Variants in PKP3 observed in about 807,000 individuals in gnomAD.
The protein encoded by PKP3 is plakophilin-3.
Under a neutral mutation model 76.5 loss-of-function variants are expected in PKP3, and 66 were observed. The ratio of observed to expected loss-of-function variants is 0.86; its 90% CI spans 0.71 to 1.06. The LOEUF (loss-of-function observed/expected upper bound fraction) is 1.06. Ranked by LOEUF, PKP3 falls within the 50% of genes least tolerant of loss-of-function variation. The probability of loss-of-function intolerance (pLI) is 0.00; values close to 1 mark genes in which losing one functional copy is unlikely to be tolerated. For synonymous variants in PKP3, 638 were observed against 516.5 expected, an observed-to-expected ratio of 1.24 and a Z score of -3.19; for missense variants, 1,338 against 1,141.0, an observed-to-expected ratio of 1.17 and a Z score of -2.49.
At chr11:400,254 C>G in intron 6 of PKP3, 80 bp from the exon 7 acceptor site, 1 of 1,413,558 alleles carries the variant, frequency 7.1e-7, no homozygotes, top group South Asian at 1.3e-5. Flanking sequence ...TGGGGATGGG[C>G]GTGCGAGGGC....
chr11:397,001 G>T lies in PKP3; in HGVS notation c.500G>T (p.Arg167Leu). The change falls in exon 3 of 13, where the codon CGC becomes CTC. Residue 167 changes from arginine to leucine, a missense_variant. Transcript: ENST00000331563. The part of the protein sequence containing the change: ...MPTRPVSFHE[R>L]GGVGSRADYD... ...ACCAGGCCCGTGTCCTTCCATGAGC[G>T]CGGTGGGGTTGGGAGCCGGGCCGAC... 1 of 1,599,862 alleles carries T rather than the reference G, an allele frequency of 6.3e-7. No homozygotes were observed. Among genetic ancestry groups the T allele is most frequent in the Non-Finnish European group, 8.5e-7 (1 of 1,179,416 alleles).
At chr11:394,020 A>G (rs549781313), upstream of PKP3, 90 of 423,326 alleles carry the variant, frequency 2.1e-4, no homozygotes, top group African/African-American at 1.9e-3. Flanking sequence ...GATGGGAGAA[A>G]AGGAGGCGGG....
chr11:393,515 G>C (rs1422140982), upstream of PKP3: 1 of 152,196 alleles, frequency 6.6e-6, no homozygotes, highest in East Asian at 1.9e-4. Flanking sequence ...GCCTCTGTAG[G>C]GGGTGAGGGG....
Position 404,693 on chromosome 11 carries a change from C to T in PKP3, c.*124C>T. The T allele has an allele frequency of 1.2e-6, 1 of 860,908 alleles. No homozygotes were observed. The highest frequency in any genetic ancestry group is 1.9e-6 in the Non-Finnish European group (1 of 536,534). 53.3% of individuals were successfully genotyped at this position (860,908 alleles called of 1,614,324 possible). ...GACGGAGGGGCCCCTCGCTGGGGCCCCTGTGTGCATCTTTGAGGGTCCTGG... is the reference window on the plus strand; with the variant it reads ...GACGGAGGGGCCCCTCGCTGGGGCCTCTGTGTGCATCTTTGAGGGTCCTGG... On this transcript the variant is annotated 3_prime_UTR_variant, in exon 13 of 13. Transcript: ENST00000331563. The surrounding 1 kb of genome is among the most constrained non-coding windows in gnomAD (Gnocchi z 4.2).
upstream of PKP3, among the ~76,000 whole-genome samples, chr11:393,059 G>A (rs1469875021): frequency 6.6e-6 from 1 of 151,960 alleles, no homozygotes; most frequent in Non-Finnish European, 1.5e-5. Flanking sequence ...CCCAGAGGTT[G>A]TCATAGATGT....
chr11:403,588 G>A (rs1847195386), intron 9 of PKP3, 30 bp from the exon 10 acceptor site: 1 of 1,596,144 alleles, frequency 6.3e-7, no homozygotes, highest in Non-Finnish European at 8.5e-7. Flanking sequence ...GAGGCCTCCG[G>A]GTCACGGCTC....
upstream of PKP3, among the ~76,000 whole-genome samples, chr11:393,767 G>A (rs1847005830): frequency 6.6e-6 from 1 of 152,122 alleles, no homozygotes; most frequent in South Asian, 2.1e-4. Context: ...CACCAGGAAG[G>A]CTGGGCTACC....
Position 404,327 on chromosome 11 carries a change from C to G in PKP3, c.2358+4C>G, listed in dbSNP as rs1004845172. On this transcript the variant is annotated splice_donor_region_variant and intron_variant, in intron 12 of 12. Coordinates refer to ENST00000331563, the MANE Select transcript of PKP3 (RefSeq NM_007183.4). The surrounding 1 kb of genome is among the most constrained non-coding windows in gnomAD (Gnocchi z 4.2). Reference sequence around the variant, plus strand: ...GCTCCACCGTGACTTCCGGGCGGTACGTTTCCCGAGCCCAGGGCAAGCAGG... The same window carrying G: ...GCTCCACCGTGACTTCCGGGCGGTAGGTTTCCCGAGCCCAGGGCAAGCAGG... 8 of 1,611,136 alleles carry G rather than the reference C, an allele frequency of 5.0e-6. No individual in the cohort carries two copies. Among genetic ancestry groups the G allele is most frequent in the South Asian group, 1.1e-5 (1 of 91,046 alleles).
chr11:403,478 C>T, intron 9 of PKP3, 140 bp from the exon 10 acceptor site: 4 of 873,414 alleles, frequency 4.6e-6, no homozygotes, highest in South Asian at 1.7e-5. Flanking sequence ...GCGGCTGATT[C>T]CCCCCGGCTG....
Position 400,578 on chromosome 11 carries a change from G to A in PKP3, c.1610G>A (p.Arg537His). ...TGCGTCCTGCGGAACCTGTCCTACC[G>A]CCTCTACGACGAGATGCCGCCGTCC... ...AVCVLRNLSY[R>H]LYDEMPPSAL... The change falls in exon 8 of 13, where the codon CGC becomes CAC. Residue 537 changes from arginine (R) to histidine (H), a missense_variant. Coordinates refer to ENST00000331563, the MANE Select transcript of PKP3 (RefSeq NM_007183.4). 2 of 1,482,110 alleles carry A rather than the reference G, an allele frequency of 1.3e-6. No homozygotes were observed. Among genetic ancestry groups the A allele is most frequent in the Non-Finnish European group, 1.8e-6 (2 of 1,125,516 alleles). The allele number at this position is 1,482,110 out of a possible 1,614,324, so 91.8% of individuals were successfully genotyped here. A position where few individuals can be genotyped will look rare whatever the true frequency, so the allele number is the denominator to read the frequency against.
At chr11:403,024 GC>G in intron 8 of PKP3, 53 bp from the exon 9 acceptor site, 2 of 426,528 alleles carry the variant, frequency 4.7e-6, no homozygotes, top group Non-Finnish European at 6.1e-6. Flanking sequence ...ACCCCGACCC[GC>G]TCACCCCGAC....
chr11:400,527 G>T lies in PKP3; in HGVS notation c.1567-8G>T. The T allele has an allele frequency of 8.8e-6, 13 of 1,484,648 alleles. No individual in the cohort carries two copies. Among genetic ancestry groups the T allele is most frequent in the South Asian group, 2.6e-5 (2 of 76,906 alleles). 92.0% of individuals were successfully genotyped at this position (1,484,648 alleles called of 1,614,324 possible). On this transcript the variant is annotated splice_polypyrimidine_tract_variant and splice_region_variant and intron_variant, in intron 7 of 12. Coordinates refer to ENST00000331563, the MANE Select transcript of PKP3 (RefSeq NM_007183.4). ...ACCCGCGCCCCTGCCCCGCGCCCCC[G>T]CCCGCAGAGCGTGGAGAACGCGGTG...
intron 8 of PKP3, 59 bp downstream of exon 8, chr11:400,764 C>T (rs1381739209): frequency 3.9e-6 from 4 of 1,022,602 alleles, no homozygotes; most frequent in Non-Finnish European, 4.9e-6. Context: ...CCCGCTGACC[C>T]CGGCCCCGCT....
At position 404,068 on chromosome 11, in the gene PKP3, G is replaced by C; in HGVS notation, c.2203G>C (p.Ala735Pro). 6.2e-7 allele frequency: 1 copy of C among 1,612,474 alleles called. No individual in the cohort carries two copies. Among genetic ancestry groups the C allele is most frequent in the Non-Finnish European group, 8.5e-7 (1 of 1,179,746 alleles). The change falls in exon 11 of 13, where the codon GCT (alanine) becomes CCT (proline). Residue 735 changes from alanine to proline, a missense_variant. Transcript: ENST00000331563. This position sits in a 1 kb window ranked among gnomAD's most constrained non-coding sequence, Gnocchi z 4.2. ...LNNLVVASPI[A>P]ARDLLYFDGL... Reference sequence around the variant, plus strand: ...CAACCTGGTGGTGGCCAGCCCCATCGCTGCCCGAGACCTGCTGTATTTTGA... The same window carrying C: ...CAACCTGGTGGTGGCCAGCCCCATCCCTGCCCGAGACCTGCTGTATTTTGA...
Position 396,625 on chromosome 11 carries a change from T to TA in PKP3, c.251dup (p.Tyr84Ter). The TA allele has an allele frequency of 6.2e-7, 1 of 1,609,908 alleles. No individual in the cohort carries two copies. Among genetic ancestry groups the TA allele is most frequent in the Non-Finnish European group, 8.5e-7 (1 of 1,178,886 alleles). The change falls in exon 2 of 13, where the codon TAC becomes TAAC. Residue 84 changes from tyrosine to a stop codon, truncating the protein, a stop_gained and frameshift_variant. Coordinates refer to ENST00000331563, the MANE Select transcript of PKP3 (RefSeq NM_007183.4). LOFTEE classifies it high-confidence loss of function. ...CTCCACAGGCACATCCAGGGGGCAG[T>TA]ACCACACCCTGCAGGCTGGCTTCAG... Reference protein sequence around the residue: ...ETARGTSRGQYHTLQAGFSSR... With the variant: ...ETARGTSRGQ
At chr11:393,919 C>G (rs1312115461), upstream of PKP3, among the ~76,000 whole-genome samples, 1 of 152,210 alleles carries the variant, frequency 6.6e-6, no homozygotes, top group Non-Finnish European at 1.5e-5. Flanking sequence ...ACACAGAGGG[C>G]CCCTCTGTCC....
In PKP3 at chr11:404,718, G is replaced by A; in HGVS notation, c.*149G>A. 1 of 687,596 alleles carries A rather than the reference G, an allele frequency of 1.5e-6. No individual in the cohort carries two copies. 42.6% of individuals were successfully genotyped at this position (687,596 alleles called of 1,614,324 possible). The stretch of plus-strand genomic sequence containing the variant: ...CCTGTGTGCATCTTTGAGGGTCCTG[G>A]GCCACCAGGAGGGGCAGGGTCTTAT... On this transcript the variant is annotated 3_prime_UTR_variant, in exon 13 of 13. Coordinates refer to ENST00000331563, the MANE Select transcript of PKP3 (RefSeq NM_007183.4). This position sits in a 1 kb window ranked among gnomAD's most constrained non-coding sequence, Gnocchi z 4.2.
chr11:404,580 C>T lies in PKP3; in HGVS notation c.*11C>T, dbSNP rs371445718. On this transcript the variant is annotated 3_prime_UTR_variant, in exon 13 of 13. Transcript: ENST00000331563. The surrounding 1 kb of genome is among the most constrained non-coding windows in gnomAD (Gnocchi z 4.2). ...TTCCTGGGCCCATAGGTGAAGCCTTCTGGAGGAGAAGGTGACGTGGCCCAG... is the reference window on the plus strand; with the variant it reads ...TTCCTGGGCCCATAGGTGAAGCCTTTTGGAGGAGAAGGTGACGTGGCCCAG... 4.3e-6 allele frequency: 7 copies of T among 1,612,084 alleles called. No individual in the cohort carries two copies. Among genetic ancestry groups the T allele is most frequent in the Non-Finnish European group, 5.9e-6 (7 of 1,179,394 alleles).
At chr11:403,882 G>A (rs1847204477) in intron 10 of PKP3, 61 bp from the exon 11 acceptor site, 9 of 1,561,356 alleles carry the variant, frequency 5.8e-6, no homozygotes, top group East Asian at 2.3e-5. Flanking sequence ...GGGAGGCAGG[G>A]GACCCCAGGT....
Sources: gnomAD v4.1 joint callset for allele counts (sites outside exome capture counted in the v4.1 genomes callset) on GRCh38, gnomAD v4.1.1 for gene constraint, Gnocchi (gnomAD v3.1) non-coding constraint, MANE v1.5 for transcripts, NCBI Gene and HGNC (gene_info 2026-07-23, HGNC 2026-07-21) for gene names.